The following DNAAF11 variants were observed in gnomAD, a reference collection of about 807,000 sequenced individuals.
DNAAF11 encodes leucine rich repeat containing 6.
Under a neutral mutation model 60.8 loss-of-function variants are expected in DNAAF11, and 45 were observed. The observed-to-expected ratio is 0.74, with a 90% confidence interval of 0.58 to 0.95. The LOEUF is 0.95. Among genes scored for constraint, DNAAF11 ranks in the 40% least tolerant of loss-of-function variants. The pLI is 0.00. For synonymous variants in DNAAF11, 191 were observed against 183.5 expected (o/e 1.04, Z -0.33); for missense variants, 546 against 546.2 (o/e 1.00, Z 0.00).
chr8:132,672,486 T>C (rs1825280459), intron 1 of DNAAF11, among the ~76,000 whole-genome samples: 1 of 152,164 alleles, frequency 6.6e-6, no homozygotes, highest in South Asian at 2.1e-4. Flanking sequence ...TAAGAGACAA[T>C]ATAGCAAACA....
chr8:132,650,675 T>A (rs760318944), intron 3 of DNAAF11, among the ~76,000 whole-genome samples: 2 of 152,200 alleles, frequency 1.3e-5, no homozygotes, highest in Non-Finnish European at 2.9e-5. Flanking sequence ...TTATTTTACA[T>A]TGGCAAAAAT....
At chr8:132,638,828 G>A (rs1015700519) in intron 3 of DNAAF11, among the ~76,000 whole-genome samples, 1 of 152,192 alleles carries the variant, frequency 6.6e-6, no homozygotes, top group African/African-American at 2.4e-5. Flanking sequence ...ATCTAAATTT[G>A]AATTTGAATT....
the DNAAF11 span, among the ~76,000 whole-genome samples, chr8:132,692,611 A>G: frequency 6.6e-6 from 1 of 152,206 alleles, no homozygotes; most frequent in Non-Finnish European, 1.5e-5. Context: ...TAGCCTAGTC[A>G]TTAGGCAGCC....
the DNAAF11 span, among the ~76,000 whole-genome samples, chr8:132,701,994 G>A: frequency 6.6e-6 from 1 of 152,138 alleles, no homozygotes; most frequent in African/African-American, 2.4e-5. Context: ...TTGAGTTGAG[G>A]GATGATGTGT....
At chr8:132,669,167 T>A (rs1428790553) in intron 1 of DNAAF11, among the ~76,000 whole-genome samples, 1 of 152,152 alleles carries the variant, frequency 6.6e-6, no homozygotes, top group Non-Finnish European at 1.5e-5. Flanking sequence ...ACCCCAACAA[T>A]GCTCCCTAAT....
chr8:132,572,080 A>G lies in DNAAF11; in HGVS notation c.*226T>C, dbSNP rs1054826543. 2 of 397,764 alleles carry G rather than the reference A, an allele frequency of 5.0e-6. No homozygotes were observed. The highest frequency in any genetic ancestry group is 2.0e-5 in the African/African-American group (1 of 49,034). 24.6% of individuals were successfully genotyped at this position (397,764 alleles called of 1,614,324 possible). A position where few individuals can be genotyped will look rare whatever the true frequency, so the allele number is the denominator to read the frequency against. ...TATGATCTTACTAAACATTTTCAATACCAACCCTTTATTATAGGTAAATGA... is the reference window on the plus strand; with the variant it reads ...TATGATCTTACTAAACATTTTCAATGCCAACCCTTTATTATAGGTAAATGA... On this transcript the variant is annotated 3_prime_UTR_variant, in exon 12 of 12. Transcript: ENST00000620350.
chr8:132,634,707 A>G (rs1821123162), intron 4 of DNAAF11, among the ~76,000 whole-genome samples: 1 of 149,250 alleles, frequency 6.7e-6, no homozygotes, highest in African/African-American at 2.4e-5. Context: ...ATACTATATA[A>G]ATAAAGCACT....
At chr8:132,627,468 C>G (rs1055942066) in intron 5 of DNAAF11, among the ~76,000 whole-genome samples, 2 of 152,188 alleles carry the variant, frequency 1.3e-5, no homozygotes, top group Non-Finnish European at 2.9e-5. Context: ...TCTCTCAGAA[C>G]TCTCTTCCCA....
chr8:132,591,094 G>C (rs1294870424), intron 10 of DNAAF11, among the ~76,000 whole-genome samples: 2 of 152,088 alleles, frequency 1.3e-5, no homozygotes, highest in Non-Finnish European at 2.9e-5. Flanking sequence ...TGTTAGGAGA[G>C]AATCAAAATT....
chr8:132,671,031 G>GA (rs987445763), intron 1 of DNAAF11, among the ~76,000 whole-genome samples: 3 of 151,870 alleles, frequency 2.0e-5, no homozygotes, highest in African/African-American at 7.3e-5. Context: ...GTAAGAATCA[G>GA]AAAAAAAGGC....
the DNAAF11 span, among the ~76,000 whole-genome samples, chr8:132,695,063 T>C: frequency 1.3e-5 from 2 of 152,228 alleles, no homozygotes; most frequent in Non-Finnish European, 2.9e-5. Flanking sequence ...GAACTGACCA[T>C]TGGATTTAAC....
chr8:132,603,930 C>T (rs1469051015), intron 10 of DNAAF11, among the ~76,000 whole-genome samples: 1 of 152,116 alleles, frequency 6.6e-6, no homozygotes, highest in Non-Finnish European at 1.5e-5. Context: ...GGATTGCATA[C>T]ACCACAGACA....
At chr8:132,674,447 CA>C (rs1825573818) in intron 1 of DNAAF11, among the ~76,000 whole-genome samples, 1 of 152,130 alleles carries the variant, frequency 6.6e-6, no homozygotes, top group Non-Finnish European at 1.5e-5. Context: ...TTAATTATGA[CA>C]TTTTTACAAT....
At chr8:132,604,428 A>G (rs1817939885) in intron 10 of DNAAF11, among the ~76,000 whole-genome samples, 3 of 152,344 alleles carry the variant, frequency 2.0e-5, no homozygotes, top group South Asian at 4.1e-4. Context: ...TTTGCTGTTC[A>G]GTTCACATGG....
In DNAAF11 at chr8:132,638,141, CA is replaced by C. The variant is rs763694263; in HGVS notation, c.257-35del. On this transcript the variant is annotated intron_variant, in intron 3 of 11. Coordinates refer to ENST00000620350, the MANE Select transcript of DNAAF11 (RefSeq NM_012472.6). ...AAAAATAAAGTGAAAACAAAGCAAA[CA>C]AAGAAAAATCACACTGGTAACAAAA... 4 of 1,584,464 alleles carry C rather than the reference CA, an allele frequency of 2.5e-6. No homozygotes were observed. The African/African-American group carries it at 5.4e-5, about 21-fold the overall frequency.
At chr8:132,697,690 T>C in the DNAAF11 span, among the ~76,000 whole-genome samples, 595 of 151,270 alleles carry the variant, frequency 3.9e-3, 4 homozygotes, top group African/African-American at 0.014. Context: ...GAGACATCAA[T>C]GTGTATGTGG....
intron 5 of DNAAF11, among the ~76,000 whole-genome samples, chr8:132,625,955 A>T (rs935195992): frequency 6.6e-6 from 1 of 152,162 alleles, no homozygotes; most frequent in African/African-American, 2.4e-5. Context: ...TTCCAGAAGG[A>T]CTTTTCTAGC....
At chr8:132,577,647 T>C (rs1814886285) in intron 11 of DNAAF11, among the ~76,000 whole-genome samples, 1 of 152,202 alleles carries the variant, frequency 6.6e-6, no homozygotes, top group Admixed American at 6.5e-5. Context: ...CCACTGACAT[T>C]GACATGGCAC....
the DNAAF11 span, among the ~76,000 whole-genome samples, chr8:132,701,037 T>C: frequency 1.3e-5 from 2 of 152,156 alleles, no homozygotes; most frequent in Non-Finnish European, 2.9e-5. Flanking sequence ...TGGGGGAAGA[T>C]GGAAGGGCAA....
Sources: allele counts gnomAD v4.1 joint callset (sites outside exome capture counted in the v4.1 genomes callset), GRCh38; gene constraint gnomAD v4.1.1; transcripts MANE v1.5; gene names NCBI Gene and HGNC (gene_info 2026-07-23, HGNC 2026-07-21).